Variants in LRRC4C observed in about 807,000 individuals in gnomAD.
The protein encoded by LRRC4C is leucine-rich repeat-containing protein 4C.
A neutral mutation model predicts 33.6 loss-of-function variants in LRRC4C; 5 were observed. The ratio of observed to expected loss-of-function variants is 0.15; its 90% CI spans 0.08 to 0.31. The LOEUF (loss-of-function observed/expected upper bound fraction) is 0.31. LRRC4C is among the 10% of genes least tolerant of loss of function. The pLI is 1.00. For synonymous variants in LRRC4C, 329 were observed against 302.0 expected, an observed-to-expected ratio of 1.09 and a Z score of -0.93; for missense variants, 560 against 796.7, an observed-to-expected ratio of 0.70 and a Z score of 3.58.
rs141730368 is a variant in LRRC4C at position 40,673,314 on chromosome 11, A to G, written c.-406-25036T>C. Among the ~76,000 whole-genome samples, 465 of 152,284 alleles carry G rather than the reference A, an allele frequency of 3.1e-3. 5 individuals carry two copies. Among genetic ancestry groups the G allele is most frequent in the African/African-American group, 0.011 (443 of 41,562 alleles). On this transcript the variant is annotated intron_variant, in intron 2 of 6. Coordinates refer to ENST00000528697, the MANE Select transcript of LRRC4C (RefSeq NM_001258419.2). ...TTGCTTTTCTTTTCCAAGAATATTT[A>G]TCCTCTGATTAAGTCAGGTACAATG...
intron 3 of LRRC4C, among the ~76,000 whole-genome samples, chr11:40,325,388 T>A (rs1946047057): frequency 6.6e-6 from 1 of 152,184 alleles, no homozygotes; most frequent in African/African-American, 2.4e-5. Flanking sequence ...ACCTCAGCAC[T>A]TTGGTAGGCC....
In LRRC4C at chr11:40,114,333, T is replaced by G. The variant is rs1855251723; in HGVS notation, c.*37A>C. 2 of 1,522,366 alleles carry G rather than the reference T, an allele frequency of 1.3e-6. No individual in the cohort carries two copies. Among genetic ancestry groups the G allele is most frequent in the Non-Finnish European group, 1.8e-6 (2 of 1,137,692 alleles). 94.3% of individuals were successfully genotyped at this position (1,522,366 alleles called of 1,614,324 possible). A position where few individuals can be genotyped will look rare whatever the true frequency, so the allele number is the denominator to read the frequency against. On this transcript the variant is annotated 3_prime_UTR_variant, in exon 7 of 7. Transcript: ENST00000528697. Reference sequence around the variant, plus strand: ...TGTCATTTTTAATAAACTGTCTTTTTTTTTGATTGTTTGTTTTTTGTAACT... The same window carrying G: ...TGTCATTTTTAATAAACTGTCTTTTGTTTTGATTGTTTGTTTTTTGTAACT...
intron 1 of LRRC4C, among the ~76,000 whole-genome samples, chr11:41,071,258 A>C (rs1399101498): frequency 2.0e-5 from 3 of 152,006 alleles, no homozygotes; most frequent in African/African-American, 7.3e-5. Flanking sequence ...AGGGGGTGGG[A>C]TGCAAGGGTA....
intron 5 of LRRC4C, among the ~76,000 whole-genome samples, chr11:40,171,976 C>A (rs1039063062): frequency 2.0e-5 from 3 of 152,054 alleles, no homozygotes; most frequent in African/African-American, 4.8e-5. Context: ...GAGATTGCAC[C>A]ACTGCACTCC....
intron 1 of LRRC4C, among the ~76,000 whole-genome samples, chr11:41,366,223 TA>T (rs1952535475): frequency 6.8e-6 from 1 of 146,676 alleles, no homozygotes; most frequent in South Asian, 2.1e-4. Context: ...GATAGATAGA[TA>T]GATAGATAGA....
chr11:40,915,242 A>T (rs1311994350), intron 2 of LRRC4C, among the ~76,000 whole-genome samples: 1 of 152,210 alleles, frequency 6.6e-6, no homozygotes, highest in Non-Finnish European at 1.5e-5. Flanking sequence ...TGCCAAGTCA[A>T]TCCTGAGCCA....
chr11:41,333,171 G>C (rs191176009), intron 1 of LRRC4C, among the ~76,000 whole-genome samples: 1 of 152,194 alleles, frequency 6.6e-6, no homozygotes, highest in East Asian at 1.9e-4. Flanking sequence ...TGTATTAAAA[G>C]AAAAATATTT....
chr11:41,069,856 G>A (rs952401444), intron 1 of LRRC4C, among the ~76,000 whole-genome samples: 11 of 152,060 alleles, frequency 7.2e-5, no homozygotes. Context: ...AGGATTTATA[G>A]ATTCAATGCT....
chr11:41,177,515 A>G (rs895179355), intron 1 of LRRC4C, among the ~76,000 whole-genome samples: 2 of 152,168 alleles, frequency 1.3e-5, no homozygotes, highest in Admixed American at 6.5e-5. Flanking sequence ...ATGATCTATT[A>G]TCTCACCTAT....
chr11:40,360,974 T>TA (rs543485915), intron 3 of LRRC4C, among the ~76,000 whole-genome samples: 77 of 152,220 alleles, frequency 5.1e-4, no homozygotes, highest in Non-Finnish European at 1.1e-3. Flanking sequence ...ATTCATCACA[T>TA]AAAAAAACTA....
chr11:41,300,101 G>T (rs1485152647), intron 1 of LRRC4C, among the ~76,000 whole-genome samples: 1 of 152,154 alleles, frequency 6.6e-6, no homozygotes, highest in African/African-American at 2.4e-5. Flanking sequence ...ACAGGTCAAT[G>T]TAGTCACAGT....
chr11:41,311,195 T>C (rs1476581685), intron 1 of LRRC4C, among the ~76,000 whole-genome samples: 2 of 152,188 alleles, frequency 1.3e-5, no homozygotes, highest in African/African-American at 4.8e-5. Context: ...AACCACATTT[T>C]TTTTTATATA....
chr11:40,361,290 G>C (rs1285013091), intron 3 of LRRC4C, among the ~76,000 whole-genome samples: 6 of 152,056 alleles, frequency 3.9e-5, no homozygotes, highest in Non-Finnish European at 8.8e-5. Flanking sequence ...CAGATAGAAA[G>C]AGAGGAAGTC....
Position 40,865,737 on chromosome 11 carries a change from C to T in LRRC4C, c.-407+67898G>A, listed in dbSNP as rs7122175. Among the ~76,000 whole-genome samples, 258 of 151,690 alleles carry T rather than the reference C, an allele frequency of 1.7e-3. 1 individual carries two copies. The highest frequency in any genetic ancestry group is 5.9e-3 in the African/African-American group (243 of 41,394). ...TGAAGAATACCAAGAAGATAACATT[C>T]TTTTTAAAGAGCATAAACCTTTGGG... is the stretch of plus-strand genomic sequence containing the variant. On this transcript the variant is annotated intron_variant, in intron 2 of 6. Transcript: ENST00000528697.
intron 1 of LRRC4C, among the ~76,000 whole-genome samples, chr11:41,064,899 G>A (rs72890346): frequency 2.6e-5 from 4 of 152,168 alleles, no homozygotes; most frequent in Admixed American, 6.5e-5. Flanking sequence ...TTTTCTCAGG[G>A]ATTTTCGCAG....
At chr11:40,682,846 C>T (rs1159778937) in intron 2 of LRRC4C, among the ~76,000 whole-genome samples, 2 of 152,078 alleles carry the variant, frequency 1.3e-5, no homozygotes, top group African/African-American at 4.8e-5. Flanking sequence ...GACCTATAGT[C>T]TGATAATAGA....
At chr11:40,969,920 G>A (rs931138073) in intron 1 of LRRC4C, among the ~76,000 whole-genome samples, 2 of 152,138 alleles carry the variant, frequency 1.3e-5, no homozygotes, top group African/African-American at 2.4e-5. Context: ...TGTGAGATGG[G>A]CGGTGGGTCA....
At chr11:41,411,873 C>A (rs1208755903) in intron 1 of LRRC4C, among the ~76,000 whole-genome samples, 1 of 152,146 alleles carries the variant, frequency 6.6e-6, no homozygotes, top group Non-Finnish European at 1.5e-5. Flanking sequence ...CCTTGTGATG[C>A]AATGGAGTCC....
intron 5 of LRRC4C, among the ~76,000 whole-genome samples, chr11:40,224,429 C>T: frequency 6.6e-6 from 1 of 152,152 alleles, no homozygotes; most frequent in East Asian, 1.9e-4. Flanking sequence ...CGATTTACAC[C>T]TTTCAAGACG....
Sources: gnomAD v4.1 joint callset for allele counts (sites outside exome capture counted in the v4.1 genomes callset) on GRCh38, gnomAD v4.1.1 for gene constraint, MANE v1.5 for transcripts, NCBI Gene and HGNC (gene_info 2026-07-23, HGNC 2026-07-21) for gene names.